PCTP: variants seen among roughly 807,000 people sequenced by gnomAD.
The protein encoded by PCTP is START domain-containing protein 2.
In PCTP, 27 loss-of-function variants were observed where a neutral mutation model predicts 31.0. The observed-to-expected ratio is 0.87, with a 90% CI of 0.64 to 1.20. The LOEUF (loss-of-function observed/expected upper bound fraction) is 1.20. PCTP is among the 50% of genes most tolerant of loss of function. The pLI, the probability that PCTP is intolerant of heterozygous loss-of-function variation, is 0.00. For synonymous variants in PCTP, 108 were observed against 101.2 expected, an observed-to-expected ratio of 1.07 and a Z score of -0.40; for missense variants, 287 against 268.2, an observed-to-expected ratio of 1.07 and a Z score of -0.49.
At chr17:55,848,481 G>A in the PCTP span, among the ~76,000 whole-genome samples, 1 of 152,128 alleles carries the variant, frequency 6.6e-6, no homozygotes, top group African/African-American at 2.4e-5. Flanking sequence ...GGAACTAATG[G>A]CAATCATGAG....
chr17:55,763,173 T>A (rs1031113761), intron 1 of PCTP, among the ~76,000 whole-genome samples: 2 of 152,188 alleles, frequency 1.3e-5, no homozygotes, highest in Admixed American at 1.3e-4. Context: ...TTGCAAAAGA[T>A]TTATATCTCT....
chr17:55,809,549 G>T (rs1478684583), intron 3 of PCTP, among the ~76,000 whole-genome samples: 21 of 142,408 alleles, frequency 1.5e-4, no homozygotes, highest in Admixed American at 2.1e-4. Context: ...TGGAGACGAA[G>T]TCTTGCTCTG....
chr17:55,800,436 G>T (rs1289321804), intron 3 of PCTP, among the ~76,000 whole-genome samples: 1 of 151,828 alleles, frequency 6.6e-6, no homozygotes, highest in Non-Finnish European at 1.5e-5. Flanking sequence ...GGTCATTTAA[G>T]TTCTTCTCTA....
At chr17:55,805,353 C>A (rs1222454093) in intron 3 of PCTP, among the ~76,000 whole-genome samples, 1 of 151,960 alleles carries the variant, frequency 6.6e-6, no homozygotes, top group Non-Finnish European at 1.5e-5. Context: ...CAACCTTGTC[C>A]TCCTTCCCAC....
rs1401080774 is a variant in PCTP at position 55,771,296 on chromosome 17, A to G, written c.339+111A>G. 1.0e-5 allele frequency: 8 copies of G among 793,684 alleles called. No individual in the cohort carries two copies. The East Asian group carries it at 1.2e-4, about 12-fold the overall frequency. 49.2% of individuals were successfully genotyped at this position (793,684 alleles called of 1,614,324 possible). A position where few individuals can be genotyped will look rare whatever the true frequency, so the allele number is the denominator to read the frequency against. ...TGGTTTCTCAGCAGGCACAGATAACATTGTCTCTGATTCTTGCAGCAGCAT... is the reference window on the plus strand; with the variant it reads ...TGGTTTCTCAGCAGGCACAGATAACGTTGTCTCTGATTCTTGCAGCAGCAT... On this transcript the variant is annotated intron_variant, in intron 3 of 5. Coordinates refer to ENST00000268896, the MANE Select transcript of PCTP (RefSeq NM_021213.4).
intron 3 of PCTP, among the ~76,000 whole-genome samples, chr17:55,803,757 C>T (rs12944543): frequency 0.14 from 21,239 of 152,114 alleles, 1,547 homozygotes; most frequent in Middle Eastern, 0.19. Context: ...CATAAAAACC[C>T]TGGAAGAATA....
chr17:55,807,851 C>T (rs774974563), intron 3 of PCTP, among the ~76,000 whole-genome samples: 2 of 152,148 alleles, frequency 1.3e-5, no homozygotes, highest in Middle Eastern at 3.2e-3. Context: ...ATATTTGAAT[C>T]TCCCCCAGAT....
chr17:55,766,821 C>T (rs1362339049), intron 1 of PCTP, among the ~76,000 whole-genome samples: 7 of 151,620 alleles, frequency 4.6e-5, no homozygotes, highest in Non-Finnish European at 5.9e-5. Flanking sequence ...GTTCTAGATC[C>T]CTGAGGAATC....
intron 3 of PCTP, among the ~76,000 whole-genome samples, chr17:55,812,845 C>T (rs2145048494): frequency 6.6e-6 from 1 of 152,314 alleles, no homozygotes; most frequent in African/African-American, 2.4e-5. Context: ...ATTCACAGCC[C>T]TGTCACTCAG....
Position 55,776,631 on chromosome 17 carries a change from T to C in PCTP, c.*531T>C, listed in dbSNP as rs1911346281. 3 of 1,230,424 alleles carry C rather than the reference T, an allele frequency of 2.4e-6. No individual in the cohort carries two copies. Among genetic ancestry groups the C allele is most frequent in the East Asian group, 3.2e-5 (1 of 31,666 alleles). 76.2% of individuals were successfully genotyped at this position (1,230,424 alleles called of 1,614,324 possible). On this transcript the variant is annotated 3_prime_UTR_variant, in exon 6 of 6. Transcript: ENST00000268896. Reference sequence around the variant, plus strand: ...AAACTGGATGACGTGCCAATGTCCATTTGCCTTATGCTTTGTGGAGCTGAT... The same window carrying C: ...AAACTGGATGACGTGCCAATGTCCACTTGCCTTATGCTTTGTGGAGCTGAT...
intron 1 of PCTP, among the ~76,000 whole-genome samples, chr17:55,767,009 C>A (rs1312931942): frequency 1.3e-5 from 2 of 152,118 alleles, no homozygotes; most frequent in East Asian, 3.9e-4. Context: ...TCTCTGATGG[C>A]CAGTGATGGT....
In PCTP at chr17:55,776,689, T is replaced by G. The variant is rs1911348716; in HGVS notation, c.*589T>G. On this transcript the variant is annotated 3_prime_UTR_variant, in exon 6 of 6. Coordinates refer to ENST00000268896, the MANE Select transcript of PCTP (RefSeq NM_021213.4). Reference sequence around the variant, plus strand: ...GGATTTGAGGTGATAATCCAGTAAGTCTTTCCTCGTTCCTACTTGTGGAGG... The same window carrying G: ...GGATTTGAGGTGATAATCCAGTAAGGCTTTCCTCGTTCCTACTTGTGGAGG... 1.6e-6 allele frequency: 2 copies of G among 1,219,676 alleles called. No individual in the cohort carries two copies. The highest frequency in any genetic ancestry group is 4.3e-5 in the Admixed American group (1 of 23,330). 75.6% of individuals were successfully genotyped at this position (1,219,676 alleles called of 1,614,324 possible).
chr17:55,769,668 A>G (rs1312858901), intron 2 of PCTP: 1 of 152,252 alleles, frequency 6.6e-6, no homozygotes, highest in Non-Finnish European at 1.5e-5. Context: ...ACTCTGGTCC[A>G]TCCGAGAGCT....
intron 1 of PCTP, chr17:55,751,446 G>C (rs1327115806): frequency 3.9e-6 from 6 of 1,533,458 alleles, no homozygotes; most frequent in Non-Finnish European, 5.2e-6. Context: ...CAGATCCAGG[G>C]GAGTTGGAAG....
At chr17:55,848,529 T>C in the PCTP span, among the ~76,000 whole-genome samples, 1 of 152,224 alleles carries the variant, frequency 6.6e-6, no homozygotes, top group Non-Finnish European at 1.5e-5. Flanking sequence ...AAACTCCTCA[T>C]GCACTAATAA....
downstream of PCTP, among the ~76,000 whole-genome samples, chr17:55,826,024 G>T (rs1175978174): frequency 6.6e-6 from 1 of 152,178 alleles, no homozygotes; most frequent in Non-Finnish European, 1.5e-5. Context: ...TGTGAAAGAT[G>T]AGAAAATCAA....
chr17:55,753,946 G>A (rs1004643257), intron 1 of PCTP, among the ~76,000 whole-genome samples: 1 of 152,218 alleles, frequency 6.6e-6, no homozygotes, highest in Non-Finnish European at 1.5e-5. Context: ...TCTTAGGAGG[G>A]TGAGTCCTCA....
chr17:55,774,881 C>CGGG, intron 5 of PCTP, 22 bp downstream of exon 5: 4 of 1,237,292 alleles, frequency 3.2e-6, no homozygotes, highest in South Asian at 2.3e-5. Context: ...GGAGGTGGGG[C>CGGG]GGGGGGAGGG....
chr17:55,783,661 G>A (rs1911644403), intron 2 of PCTP, among the ~76,000 whole-genome samples: 1 of 152,190 alleles, frequency 6.6e-6, no homozygotes, highest in Non-Finnish European at 1.5e-5. Flanking sequence ...TTTTCCAAGG[G>A]AGAGTGAATG....
Sources: gnomAD v4.1 joint callset for allele counts (sites outside exome capture counted in the v4.1 genomes callset) on GRCh38, gnomAD v4.1.1 for gene constraint, MANE v1.5 for transcripts, NCBI Gene and HGNC (gene_info 2026-07-23, HGNC 2026-07-21) for gene names.